The following TTLL5 variants were observed in gnomAD, a reference collection of about 807,000 sequenced individuals.
The protein encoded by TTLL5 is tubulin tyrosine ligase like 5.
Under a neutral mutation model 168.4 loss-of-function variants are expected in TTLL5, and 132 were observed. The observed-to-expected ratio is 0.78, with a 90% CI of 0.68 to 0.91. The LOEUF (loss-of-function observed/expected upper bound fraction) is 0.91, where lower values mean the gene tolerates loss of function less well. TTLL5 is among the 40% of genes least tolerant of loss of function. The pLI is 0.00. For missense variants in TTLL5, 1,545 were observed against 1,581.5 expected, an observed-to-expected ratio of 0.98 and a Z score of 0.39; for synonymous variants, 546 against 558.6, an observed-to-expected ratio of 0.98 and a Z score of 0.32.
chr14:75,825,243 T>G (rs1019472208), intron 28 of TTLL5, among the ~76,000 whole-genome samples: 6 of 152,192 alleles, frequency 3.9e-5, no homozygotes, highest in African/African-American at 1.4e-4. Context: ...AAATTGAACT[T>G]GCTTGGGATA....
chr14:75,695,921 C>T (rs1885823366), intron 6 of TTLL5, among the ~76,000 whole-genome samples: 1 of 147,398 alleles, frequency 6.8e-6, no homozygotes, highest in Non-Finnish European at 1.5e-5. Flanking sequence ...TCCCCTCCCT[C>T]CCCAGGGTCT....
chr14:75,783,477 G>A lies in TTLL5; in HGVS notation c.2933G>A (p.Ser978Asn). The change falls in exon 26 of 32, where the codon AGT (serine) becomes AAT (asparagine). Residue 978 changes from serine to asparagine, a missense_variant. By Grantham distance (46) the Ser-to-Asn change is conservative. Transcript: ENST00000298832. ...HTIGPFSSFQ[S>N]AAHIYSQKLS... ...ATTGGTCCCTTTTCTTCCTTCCAAA[G>A]TGCTGCACACATCTATAGCCAGAAA... 5 of 1,614,114 alleles carry A rather than the reference G, an allele frequency of 3.1e-6. No individual in the cohort carries two copies. Among genetic ancestry groups the A allele is most frequent in the Non-Finnish European group, 4.2e-6 (5 of 1,180,034 alleles).
rs2140171891 is a variant in TTLL5, at chr14:75,707,074, C to T, written c.642C>T (p.Pro214=). ...TGGTCTCCCGTTACATTAACAACCC[C>T]CTGCTCATAGATGGTGAGTTGTGAT... ...NILVSRYINN[P]LLIDDFKFDV... is the part of the protein sequence containing the mutation. The change falls in exon 8 of 32, where the codon CCC becomes CCT. Residue 214 remains proline (P), a synonymous_variant. Transcript: ENST00000298832. 2 of 1,612,574 alleles carry T rather than the reference C, an allele frequency of 1.2e-6. No homozygotes were observed. The highest frequency in any genetic ancestry group is 1.1e-5 in the South Asian group (1 of 91,002).
chr14:75,814,014 T>C (rs950895152), intron 27 of TTLL5, among the ~76,000 whole-genome samples: 44 of 152,164 alleles, frequency 2.9e-4, no homozygotes, highest in African/African-American at 1.0e-3. Flanking sequence ...TAATATAGGT[T>C]GAGTGTCCCT....
At chr14:75,943,627 C>T (rs575091873) in intron 31 of TTLL5, among the ~76,000 whole-genome samples, 1 of 152,280 alleles carries the variant, frequency 6.6e-6, no homozygotes, top group Non-Finnish European at 1.5e-5. Flanking sequence ...TCCTCCAACC[C>T]AAACCTCAAA....
At chr14:75,674,243 A>C (rs545087763) in intron 3 of TTLL5, among the ~76,000 whole-genome samples, 27 of 152,160 alleles carry the variant, frequency 1.8e-4, no homozygotes, top group Non-Finnish European at 3.4e-4. Flanking sequence ...GTGGCTTAAT[A>C]ATTTTCTTCA....
At position 75,864,719 on chromosome 14, in the gene TTLL5, C is replaced by G. The variant is rs190050147; in HGVS notation, c.3522+857C>G. ...TTATTGGAATGAATTAGTACTGATT[C>G]TATAAGCTTTTCTGACATTTGGTTA... is the stretch of plus-strand genomic sequence containing the variant. On this transcript the variant is annotated intron_variant, in intron 29 of 31. Transcript: ENST00000298832. Among the ~76,000 whole-genome samples the G allele has an allele frequency of 4.2e-4, 64 of 152,222 alleles. No homozygotes were observed. The South Asian group carries it at 8.5e-3, about 20-fold the overall frequency.
chr14:75,682,419 T>C (rs757468377), intron 4 of TTLL5, among the ~76,000 whole-genome samples: 14 of 152,090 alleles, frequency 9.2e-5, no homozygotes, highest in Non-Finnish European at 1.6e-4. Flanking sequence ...ACAGGAGTGT[T>C]CAGGATCATT....
chr14:75,804,402 T>G (rs1018220185), intron 27 of TTLL5, among the ~76,000 whole-genome samples: 1 of 152,212 alleles, frequency 6.6e-6, no homozygotes, highest in Non-Finnish European at 1.5e-5. Context: ...AATCTCAATT[T>G]CAGAAATTCC....
At chr14:75,662,500 A>AT (rs541035818) in intron 1 of TTLL5, among the ~76,000 whole-genome samples, 112,662 of 133,516 alleles carry the variant, frequency 0.84, 47,458 homozygotes, top group East Asian at 0.92. Flanking sequence ...AATTTTTTGT[A>AT]TTTTTTTTTT....
intron 30 of TTLL5, chr14:75,886,924 GAA>G (rs1481621256): frequency 6.9e-7 from 1 of 1,441,188 alleles, no homozygotes; most frequent in Non-Finnish European, 9.0e-7. Flanking sequence ...GAATGAATTT[GAA>G]AGGGTGGGGC....
chr14:75,775,291 A>G (rs1891650966), intron 21 of TTLL5, among the ~76,000 whole-genome samples, 193 bp from the exon 22 acceptor site: 1 of 152,138 alleles, frequency 6.6e-6, no homozygotes, highest in African/African-American at 2.4e-5. Flanking sequence ...AGGGAAGGGA[A>G]TAAGTTTCTT....
chr14:75,941,843 C>CTTTTTTTTTTTTT (rs71122506), intron 31 of TTLL5, among the ~76,000 whole-genome samples: 1 of 69,404 alleles, frequency 1.4e-5, no homozygotes, highest in African/African-American at 5.8e-5. Context: ...TCATGATGAA[C>CTTTTTTTTTTTTT]TTTTTTTTTT....
chr14:75,728,494 G>T (rs1389178277), intron 12 of TTLL5, among the ~76,000 whole-genome samples: 1 of 152,096 alleles, frequency 6.6e-6, no homozygotes, highest in Non-Finnish European at 1.5e-5. Context: ...GGTGGATGGG[G>T]TTACCATTCT....
rs1347072924 is a variant in TTLL5 at position 75,783,493 on chromosome 14, T to C, written c.2949T>C (p.Tyr983=). The C allele has an allele frequency of 6.2e-7, 1 of 1,614,132 alleles. No homozygotes were observed. Among genetic ancestry groups the C allele is most frequent in the Admixed American group, 1.7e-5 (1 of 60,020 alleles). ...CCTTCCAAAGTGCTGCACACATCTA[T>C]AGCCAGAAACTGTCTCGTCCCTCTT... ...FSSFQSAAHI[Y]SQKLSRPSSA... The change falls in exon 26 of 32, where the codon TAT becomes TAC. Residue 983 remains tyrosine (Y), a synonymous_variant. Coordinates refer to ENST00000298832, the MANE Select transcript of TTLL5 (RefSeq NM_015072.5).
chr14:75,844,097 G>T (rs545789249), intron 28 of TTLL5, among the ~76,000 whole-genome samples: 4 of 151,762 alleles, frequency 2.6e-5, no homozygotes, highest in African/African-American at 9.7e-5. Flanking sequence ...TGGCCAGGCC[G>T]GTCTCGAACT....
intron 26 of TTLL5, among the ~76,000 whole-genome samples, chr14:75,786,693 A>C (rs1272116717): frequency 3.9e-5 from 6 of 152,220 alleles, no homozygotes; most frequent in African/African-American, 1.4e-4. Flanking sequence ...AATATACAGC[A>C]TCAAATTTCA....
At position 75,779,608 on chromosome 14, in the gene TTLL5, T is replaced by C; in HGVS notation, c.2421T>C (p.Tyr807=). ...AACTGGAGGAGGTGTTGACTTTTTATACCCAAAAGAACAAGTCTGCTAGTG... is the reference window on the plus strand; with the variant it reads ...AACTGGAGGAGGTGTTGACTTTTTACACCCAAAAGAACAAGTCTGCTAGTG... ...EAELEEVLTF[Y]TQKNKSASVF... Residue 807 remains tyrosine, a synonymous_variant, in exon 24 of 32, where the codon TAT becomes TAC. Transcript: ENST00000298832. 1 of 1,613,838 alleles carries C rather than the reference T, an allele frequency of 6.2e-7. No homozygotes were observed. The highest frequency in any genetic ancestry group is 8.5e-7 in the Non-Finnish European group (1 of 1,179,864).
intron 9 of TTLL5, 135 bp downstream of exon 9, chr14:75,707,842 C>A: frequency 1.3e-6 from 1 of 742,832 alleles, no homozygotes; most frequent in Non-Finnish European, 2.2e-6. Flanking sequence ...AGATGCAATC[C>A]ACCTCCTCAA....
Sources: allele counts gnomAD v4.1 joint callset (sites outside exome capture counted in the v4.1 genomes callset), GRCh38; gene constraint gnomAD v4.1.1; transcripts MANE v1.5; gene names NCBI Gene and HGNC (gene_info 2026-07-23, HGNC 2026-07-21).